Variants in PCDHA4 observed in about 807,000 individuals in gnomAD.
PCDHA4 encodes protocadherin alpha 4.
In PCDHA4, 49 loss-of-function variants were observed where a neutral mutation model predicts 61.4. The ratio of observed to expected loss-of-function variants is 0.80; its 90% confidence interval spans 0.63 to 1.01. The LOEUF is 1.01. Ranked by LOEUF, PCDHA4 falls within the 50% of genes least tolerant of loss-of-function variation. The pLI is 0.00. For missense variants in PCDHA4, 1,254 were observed against 1,235.8 expected (o/e 1.01, Z -0.22); for synonymous variants, 590 against 550.3 (o/e 1.07, Z -1.01).
At chr5:140,963,210 C>T (rs1200019403) in intron 1 of PCDHA4, among the ~76,000 whole-genome samples, 1 of 151,742 alleles carries the variant, frequency 6.6e-6, no homozygotes, top group East Asian at 1.9e-4. Flanking sequence ...AAAAAAACCT[C>T]GTGTTTAGAG....
chr5:140,882,651 A>T, intron 1 of PCDHA4: 1 of 1,614,206 alleles, frequency 6.2e-7, no homozygotes, highest in Non-Finnish European at 8.5e-7. Context: ...GACATTAACG[A>T]CAACCCGCCC....
At chr5:140,870,505 C>T in intron 1 of PCDHA4, 1 of 1,614,220 alleles carries the variant, frequency 6.2e-7, no homozygotes, top group Non-Finnish European at 8.5e-7. Context: ...GGAGAACAAC[C>T]CACCAGGCTG....
At chr5:140,917,151 G>T (rs974449842) in intron 1 of PCDHA4, among the ~76,000 whole-genome samples, 2 of 152,160 alleles carry the variant, frequency 1.3e-5, no homozygotes, top group Non-Finnish European at 2.9e-5. Flanking sequence ...TGCTGCTGGG[G>T]GATATGGGAG....
rs149782026 is a variant in PCDHA4, at chr5:140,944,645, G to A, written c.2386-34304G>A. ...TAGTGTTGTAAGCCAGTGTGGATTG[G>A]GAGTCCATACCCCTTATTTATCTAT... On this transcript the variant is annotated intron_variant, in intron 1 of 3. Coordinates refer to ENST00000530339, the MANE Select transcript of PCDHA4 (RefSeq NM_018907.4). Among the ~76,000 whole-genome samples, 728 of 152,260 alleles carry A rather than the reference G, an allele frequency of 4.8e-3. 7 individuals are homozygous for A. The highest frequency in any genetic ancestry group is 0.017 in the African/African-American group (702 of 41,552).
chr5:140,915,553 A>T (rs1317422262), intron 1 of PCDHA4, among the ~76,000 whole-genome samples: 1 of 152,156 alleles, frequency 6.6e-6, no homozygotes, highest in African/African-American at 2.4e-5. Context: ...AATAAGATCC[A>T]GAATGATTAT....
chr5:140,993,939 T>C (rs1449633283), intron 3 of PCDHA4, among the ~76,000 whole-genome samples: 5 of 152,198 alleles, frequency 3.3e-5, no homozygotes, highest in Non-Finnish European at 7.3e-5. Context: ...ATATCCCCAT[T>C]GTTAAGTGAT....
intron 1 of PCDHA4, chr5:140,836,212 A>T: frequency 6.2e-7 from 1 of 1,613,756 alleles, no homozygotes. Flanking sequence ...CTTTCGTATG[A>T]GTTGCAACCG....
chr5:140,836,804 T>C, intron 1 of PCDHA4: 1 of 1,321,042 alleles, frequency 7.6e-7, no homozygotes, highest in East Asian at 2.4e-5. Flanking sequence ...CTCCTTAAAT[T>C]TTCTTTCATA....
chr5:140,914,377 G>C (rs2076685968), intron 1 of PCDHA4, among the ~76,000 whole-genome samples: 1 of 152,090 alleles, frequency 6.6e-6, no homozygotes, highest in Non-Finnish European at 1.5e-5. Flanking sequence ...TATTTTATCT[G>C]TTATAAGTGT....
chr5:140,843,487 G>C, intron 1 of PCDHA4: 1 of 1,596,050 alleles, frequency 6.3e-7, no homozygotes, highest in Non-Finnish European at 8.6e-7. Context: ...CTGCGCTGCG[G>C]TGCTCAGCAC....
At chr5:140,934,690 T>G (rs1263392505) in intron 1 of PCDHA4, among the ~76,000 whole-genome samples, 1 of 152,198 alleles carries the variant, frequency 6.6e-6, no homozygotes, top group Non-Finnish European at 1.5e-5. Flanking sequence ...AAACAATGAA[T>G]TGATTCCTGG....
intron 1 of PCDHA4, among the ~76,000 whole-genome samples, chr5:140,920,841 T>TAAA (rs781921146): frequency 2.7e-5 from 3 of 109,230 alleles, no homozygotes; most frequent in East Asian, 2.6e-4. Context: ...AGACCAAATC[T>TAAA]AAAAAAAAAA....
intron 1 of PCDHA4, chr5:140,848,303 C>T: frequency 2.9e-6 from 2 of 685,962 alleles, no homozygotes; most frequent in Non-Finnish European, 5.0e-6. Context: ...CACGTGATGT[C>T]ACTCTTTGCC....
At chr5:140,967,671 A>G in intron 1 of PCDHA4, 1 of 1,614,130 alleles carries the variant, frequency 6.2e-7, no homozygotes, top group Non-Finnish European at 8.5e-7. Context: ...TACACGTCGG[A>G]CCGGGAGAGG....
At chr5:140,869,322 C>A (rs1169893950) in intron 1 of PCDHA4, 12 of 1,613,702 alleles carry the variant, frequency 7.4e-6, no homozygotes, top group Non-Finnish European at 1.0e-5. Context: ...CACATGGGGA[C>A]CTTCTGGAGG....
chr5:140,994,209 A>G (rs2097604620), intron 3 of PCDHA4, among the ~76,000 whole-genome samples: 1 of 152,142 alleles, frequency 6.6e-6, no homozygotes, highest in Non-Finnish European at 1.5e-5. Flanking sequence ...CCAGAATGGG[A>G]CCCAGGGTCT....
chr5:140,908,967 G>C (rs1039870615), intron 1 of PCDHA4, among the ~76,000 whole-genome samples: 4 of 152,076 alleles, frequency 2.6e-5, no homozygotes, highest in Non-Finnish European at 5.9e-5. Context: ...ATCTTGATAG[G>C]CCCCACTCCA....
At chr5:140,896,706 T>C (rs188797791) in intron 1 of PCDHA4, among the ~76,000 whole-genome samples, 169 of 152,248 alleles carry the variant, frequency 1.1e-3, no homozygotes, top group East Asian at 5.2e-3. Context: ...AGGTTGTTTG[T>C]TTTTTGCTTG....
intron 1 of PCDHA4, among the ~76,000 whole-genome samples, chr5:140,947,506 A>C (rs1034178009): frequency 6.6e-6 from 1 of 151,700 alleles, no homozygotes; most frequent in Non-Finnish European, 1.5e-5. Flanking sequence ...TTAAATTTTC[A>C]TATAAATTTT....
Sources: gnomAD v4.1 joint callset for allele counts (sites outside exome capture counted in the v4.1 genomes callset) on GRCh38, gnomAD v4.1.1 for gene constraint, MANE v1.5 for transcripts, NCBI Gene and HGNC (gene_info 2026-07-23, HGNC 2026-07-21) for gene names.